The following RNLS variants were observed in gnomAD, a reference collection of about 807,000 sequenced individuals.
RNLS encodes renalase, FAD dependent amine oxidase, also known as renalase.
In RNLS, 39 loss-of-function variants were observed where a neutral mutation model predicts 39.8. That is an observed-to-expected ratio of 0.98 (90% CI 0.76 to 1.28). RNLS has a LOEUF of 1.28. Ranked by LOEUF, RNLS falls within the 50% of genes most tolerant of loss-of-function variation. RNLS has a pLI of 0.00. For synonymous variants in RNLS, 147 were observed against 150.7 expected (o/e 0.98, Z 0.18); for missense variants, 410 against 413.3 (o/e 0.99, Z 0.07).
At chr10:88,300,648 T>G (rs540101377) in intron 6 of RNLS, among the ~76,000 whole-genome samples, 7 of 152,328 alleles carry the variant, frequency 4.6e-5, no homozygotes, top group African/African-American at 1.7e-4. Context: ...CAGGATTATG[T>G]GCTTATTGGT....
chr10:88,517,363 A>G (rs1271673198), intron 4 of RNLS, among the ~76,000 whole-genome samples: 35 of 151,980 alleles, frequency 2.3e-4, no homozygotes, highest in Non-Finnish European at 1.5e-5. Context: ...TTGGATGTCC[A>G]TAACACTGGT....
At chr10:88,582,052 G>C (rs1850609260) in intron 2 of RNLS, 150 bp downstream of exon 2, 23 of 590,246 alleles carry the variant, frequency 3.9e-5, no homozygotes, top group Non-Finnish European at 6.4e-5. Context: ...TCCCATCACA[G>C]CTAGTTGCCT....
chr10:88,483,193 A>G (rs1240964898), intron 4 of RNLS, among the ~76,000 whole-genome samples: 5 of 152,124 alleles, frequency 3.3e-5, no homozygotes, highest in Admixed American at 3.3e-4. Context: ...CAGTTTTTCA[A>G]GGATAAAGTT....
downstream of RNLS, among the ~76,000 whole-genome samples, chr10:88,273,545 T>C (rs1842708629): frequency 6.6e-6 from 1 of 152,242 alleles, no homozygotes; most frequent in African/African-American, 2.4e-5. Flanking sequence ...TAAATTCCAC[T>C]GTTTTGATCT....
At chr10:88,454,294 C>T (rs1342455) in intron 4 of RNLS, among the ~76,000 whole-genome samples, 3 of 152,220 alleles carry the variant, frequency 2.0e-5, no homozygotes, top group African/African-American at 7.2e-5. Context: ...GGCCTTGGTG[C>T]CATTTTCCAG....
chr10:88,377,804 T>C (rs547944431), intron 4 of RNLS, among the ~76,000 whole-genome samples: 2 of 152,328 alleles, frequency 1.3e-5, no homozygotes, highest in African/African-American at 4.8e-5. Context: ...AAATTTATTT[T>C]AACAAATTTT....
At chr10:88,268,532 T>A in the RNLS span, among the ~76,000 whole-genome samples, 1 of 152,194 alleles carries the variant, frequency 6.6e-6, no homozygotes, top group Non-Finnish European at 1.5e-5. Flanking sequence ...CTCACTAGAA[T>A]GACAGTTTCA....
rs58355512 is a variant in RNLS at position 88,320,929 on chromosome 10, T to C, written c.701-6288A>G. 3.1e-3 allele frequency among the ~76,000 whole-genome samples: 466 copies of C among 149,658 alleles called. 2 individuals are homozygous for C. The highest frequency in any genetic ancestry group is 0.01 in the African/African-American group (422 of 40,482). Reference sequence around the variant, plus strand: ...ACAACAAAGAAAATCTGGACTTAAATTGGACTCTTGACCAAATGGACCCAG... The same window carrying C: ...ACAACAAAGAAAATCTGGACTTAAACTGGACTCTTGACCAAATGGACCCAG... On this transcript the variant is annotated intron_variant, in intron 5 of 6. Transcript: ENST00000331772.
At chr10:88,271,860 C>T (rs141230138), downstream of RNLS, among the ~76,000 whole-genome samples, 8 of 152,224 alleles carry the variant, frequency 5.3e-5, no homozygotes, top group African/African-American at 1.9e-4. Context: ...GCAATGGGTC[C>T]CAGGAGTTCG....
the RNLS span, among the ~76,000 whole-genome samples, chr10:88,209,491 A>T: frequency 0.014 from 2,146 of 152,276 alleles, 48 homozygotes; most frequent in African/African-American, 0.049. Flanking sequence ...AGGAAGAGGC[A>T]AGGAAGGATT....
intron 4 of RNLS, among the ~76,000 whole-genome samples, chr10:88,393,222 T>G (rs1852322037): frequency 6.6e-6 from 1 of 151,180 alleles, no homozygotes; most frequent in Non-Finnish European, 1.5e-5. Flanking sequence ...AAATAAAGGG[T>G]ATTCAATTAG....
intron 4 of RNLS, among the ~76,000 whole-genome samples, chr10:88,449,845 T>C (rs1182024751): frequency 6.6e-6 from 1 of 152,168 alleles, no homozygotes; most frequent in Non-Finnish European, 1.5e-5. Flanking sequence ...TATCTTTTGG[T>C]GTTTCTAACA....
intron 4 of RNLS, among the ~76,000 whole-genome samples, chr10:88,442,366 G>A (rs1433314055): frequency 6.6e-6 from 1 of 152,020 alleles, no homozygotes. Context: ...TCACATGATT[G>A]GTCATTCAGC....
chr10:88,335,221 T>C (rs1847395851), intron 5 of RNLS, among the ~76,000 whole-genome samples: 1 of 151,718 alleles, frequency 6.6e-6, no homozygotes, highest in African/African-American at 2.4e-5. Context: ...CTTTTACTTT[T>C]TTTTTTTTTT....
chr10:88,225,001 A>G, the RNLS span, among the ~76,000 whole-genome samples: 6 of 152,244 alleles, frequency 3.9e-5, no homozygotes, highest in Admixed American at 2.0e-4. Context: ...GGAAAATCCA[A>G]TGATTAAATT....
chr10:88,233,031 C>T, the RNLS span, among the ~76,000 whole-genome samples: 1 of 152,200 alleles, frequency 6.6e-6, no homozygotes, highest in African/African-American at 2.4e-5. Context: ...AGAGGTTAAG[C>T]AACCTGCCTG....
At chr10:88,270,118 C>G (rs1175435706), downstream of RNLS, among the ~76,000 whole-genome samples, 2 of 152,172 alleles carry the variant, frequency 1.3e-5, no homozygotes, top group Non-Finnish European at 2.9e-5. Context: ...CATGAGTCTT[C>G]TAAACTTTGA....
chr10:88,304,379 A>G (rs1421115419), intron 6 of RNLS, among the ~76,000 whole-genome samples: 1 of 152,224 alleles, frequency 6.6e-6, no homozygotes, highest in Non-Finnish European at 1.5e-5. Context: ...AATTCAGAAT[A>G]TGGATAGGAA....
At chr10:88,178,303 T>C in the RNLS span, among the ~76,000 whole-genome samples, 11 of 152,288 alleles carry the variant, frequency 7.2e-5, no homozygotes, top group Non-Finnish European at 1.6e-4. Context: ...GGTGGTTTCT[T>C]TGCTCTCAAA....
Sources: gnomAD v4.1 joint callset for allele counts (sites outside exome capture counted in the v4.1 genomes callset) on GRCh38, gnomAD v4.1.1 for gene constraint, MANE v1.5 for transcripts, NCBI Gene and HGNC (gene_info 2026-07-23, HGNC 2026-07-21) for gene names.